PRKCE: variants seen among roughly 807,000 people sequenced by gnomAD.
PRKCE encodes the protein protein kinase C epsilon.
Under a neutral mutation model 85.4 loss-of-function variants are expected in PRKCE, and 16 were observed. That is an observed-to-expected ratio of 0.19 (90% CI 0.13 to 0.28). The LOEUF (loss-of-function observed/expected upper bound fraction) is 0.28. Ranked by LOEUF, PRKCE falls within the 10% of genes least tolerant of loss-of-function variation. PRKCE has a pLI of 1.00. For missense variants in PRKCE, 573 were observed against 975.2 expected (o/e 0.59, Z 5.49); for synonymous variants, 388 against 371.5 (o/e 1.04, Z -0.51).
At chr2:46,055,121 C>A (rs1405141165) in intron 10 of PRKCE, among the ~76,000 whole-genome samples, 1 of 152,218 alleles carries the variant, frequency 6.6e-6, no homozygotes, top group East Asian at 1.9e-4. Flanking sequence ...AAAAGGCCGT[C>A]ACACTGACCC....
At chr2:45,899,423 C>T (rs1201032295) in intron 2 of PRKCE, among the ~76,000 whole-genome samples, 2 of 151,396 alleles carry the variant, frequency 1.3e-5, no homozygotes. Flanking sequence ...CTCTGTTGCC[C>T]AGGCTAGAGT....
At chr2:46,052,535 G>A (rs918821455) in intron 10 of PRKCE, among the ~76,000 whole-genome samples, 12 of 152,206 alleles carry the variant, frequency 7.9e-5, no homozygotes, top group African/African-American at 2.9e-4. Context: ...CATGTTTGTG[G>A]AGAAGACACA....
intron 14 of PRKCE, among the ~76,000 whole-genome samples, chr2:46,164,002 G>T (rs1051209255): frequency 2.6e-5 from 4 of 152,170 alleles, no homozygotes; most frequent in Admixed American, 2.6e-4. Context: ...GTTGTGGTGA[G>T]GTGGCTTCTA....
At position 45,668,414 on chromosome 2, in the gene PRKCE, G is replaced by A. The variant is rs369377253; in HGVS notation, c.348+15966G>A. On this transcript the variant is annotated intron_variant, in intron 1 of 14. Transcript: ENST00000306156. ...ATATAAATTGTGGATGATGTGGTTT[G>A]GGACTGAAGATATTGTCGAAGAATC... Among the ~76,000 whole-genome samples the A allele has an allele frequency of 5.3e-5, 8 of 152,104 alleles. 1 individual carries two copies. The highest frequency in any genetic ancestry group is 3.9e-4 in the Admixed American group (6 of 15,278).
chr2:46,116,087 G>C (rs1002573134), intron 11 of PRKCE, among the ~76,000 whole-genome samples: 1 of 152,152 alleles, frequency 6.6e-6, no homozygotes, highest in Non-Finnish European at 1.5e-5. Context: ...CAGATGTAAT[G>C]CTTGCTTAGT....
chr2:46,042,498 T>C (rs1309850034), intron 10 of PRKCE, among the ~76,000 whole-genome samples: 1 of 152,240 alleles, frequency 6.6e-6, no homozygotes, highest in Non-Finnish European at 1.5e-5. Flanking sequence ...ACAGGGTAAA[T>C]TGGCCAGCAG....
chr2:45,912,075 C>G (rs1447047998), intron 2 of PRKCE, among the ~76,000 whole-genome samples: 5 of 152,130 alleles, frequency 3.3e-5, no homozygotes, highest in East Asian at 1.9e-4. Context: ...GGGTCTTTCT[C>G]TTTCCCCAGT....
At chr2:46,149,906 A>C (rs1297909566) in intron 12 of PRKCE, among the ~76,000 whole-genome samples, 3 of 150,850 alleles carry the variant, frequency 2.0e-5, no homozygotes, top group Non-Finnish European at 2.9e-5. Context: ...ACCCAGGTTG[A>C]AGTGCAGTCG....
chr2:46,109,496 G>C lies in PRKCE; in HGVS notation c.1592+23134G>C, dbSNP rs554407960. 6.6e-5 allele frequency among the ~76,000 whole-genome samples: 10 copies of C among 152,136 alleles called. No homozygotes were observed. In the East Asian group the frequency reaches 1.7e-3, roughly 26 times the overall value. On this transcript the variant is annotated intron_variant, in intron 11 of 14. Transcript: ENST00000306156. ...AACGATATATTTTTAAAAATTTCAAGTCTCAATTGTTTATTGCAAATACAT... is the reference window on the plus strand; with the variant it reads ...AACGATATATTTTTAAAAATTTCAACTCTCAATTGTTTATTGCAAATACAT...
Position 46,029,640 on chromosome 2 carries a change from C to T in PRKCE, c.1437+19123C>T, listed in dbSNP as rs867980003. Among the ~76,000 whole-genome samples, 4 of 151,350 alleles carry T rather than the reference C, an allele frequency of 2.6e-5. No individual in the cohort carries two copies. In the East Asian group the frequency reaches 5.8e-4, roughly 22 times the overall value. The stretch of plus-strand genomic sequence containing the variant: ...AGCTCAAGCAAGCCTGTTCATGCAT[C>T]GCTAATTGCTTAAACATCAGGGAAA... On this transcript the variant is annotated intron_variant, in intron 10 of 14. Coordinates refer to ENST00000306156, the MANE Select transcript of PRKCE (RefSeq NM_005400.3).
intron 1 of PRKCE, among the ~76,000 whole-genome samples, chr2:45,691,984 A>G (rs1206836229): frequency 2.6e-5 from 4 of 152,204 alleles, no homozygotes; most frequent in Non-Finnish European, 4.4e-5. Context: ...TCTTAGGAAA[A>G]TGATAGTTTC....
At chr2:46,037,427 T>C (rs185503062) in intron 10 of PRKCE, among the ~76,000 whole-genome samples, 196 of 152,278 alleles carry the variant, frequency 1.3e-3, no homozygotes, top group Non-Finnish European at 2.5e-3. Context: ...TGTTACCATA[T>C]GACATGGCAA....
intron 2 of PRKCE, among the ~76,000 whole-genome samples, chr2:45,967,439 C>A (rs1020784512): frequency 4.6e-5 from 7 of 152,100 alleles, no homozygotes; most frequent in African/African-American, 1.4e-4. Flanking sequence ...CCACAGTAGA[C>A]CAGCAGAGGG....
chr2:46,077,034 T>C (rs1668618013), intron 10 of PRKCE, among the ~76,000 whole-genome samples: 1 of 152,038 alleles, frequency 6.6e-6, no homozygotes, highest in African/African-American at 2.4e-5. Context: ...GCACAAAGTT[T>C]CAGTTATGAA....
chr2:45,961,002 G>T (rs1396666501), intron 2 of PRKCE, among the ~76,000 whole-genome samples: 1 of 152,176 alleles, frequency 6.6e-6, no homozygotes, highest in Non-Finnish European at 1.5e-5. Context: ...AACACAGAGG[G>T]GCTGGAAGCA....
In PRKCE at chr2:46,094,054, A is replaced by G. The variant is rs76858890; in HGVS notation, c.1592+7692A>G. Among the ~76,000 whole-genome samples the G allele has an allele frequency of 6.8e-3, 1,036 of 152,282 alleles. 13 individuals are homozygous for G. The highest frequency in any genetic ancestry group is 0.024 in the African/African-American group (987 of 41,564). On this transcript the variant is annotated intron_variant, in intron 11 of 14. Coordinates refer to ENST00000306156, the MANE Select transcript of PRKCE (RefSeq NM_005400.3). Reference sequence around the variant, plus strand: ...ACCACAAACTCTCTACAAACTGTCCATATCTCCTTTTAGCATGTTTAGGTA... The same window carrying G: ...ACCACAAACTCTCTACAAACTGTCCGTATCTCCTTTTAGCATGTTTAGGTA...
At chr2:45,740,667 C>T (rs1348537141) in intron 1 of PRKCE, among the ~76,000 whole-genome samples, 2 of 152,204 alleles carry the variant, frequency 1.3e-5, no homozygotes, top group African/African-American at 4.8e-5. Flanking sequence ...CAAACTCCTC[C>T]CTAGTTACTT....
intron 14 of PRKCE, among the ~76,000 whole-genome samples, chr2:46,183,469 T>C (rs984921209): frequency 2.1e-4 from 32 of 152,250 alleles, no homozygotes; most frequent in African/African-American, 7.7e-4. Flanking sequence ...TCACTAATCC[T>C]GGGTAATACC....
intron 2 of PRKCE, among the ~76,000 whole-genome samples, chr2:45,943,859 G>T (rs748657683): frequency 1.3e-5 from 2 of 152,162 alleles, no homozygotes; most frequent in Non-Finnish European, 2.9e-5. Flanking sequence ...TGGAGTGACC[G>T]CGCAGTGAAA....
Sources: allele counts gnomAD v4.1 joint callset (sites outside exome capture counted in the v4.1 genomes callset), GRCh38; gene constraint gnomAD v4.1.1; transcripts MANE v1.5; gene names NCBI Gene and HGNC (gene_info 2026-07-23, HGNC 2026-07-21).